The following INTS12 variants were observed in gnomAD, a reference collection of about 807,000 sequenced individuals.
The protein encoded by INTS12 is integrator complex subunit 12.
INTS12 carries 13 observed loss-of-function variants against 41.6 expected under a neutral mutation model. That is an observed-to-expected ratio of 0.31 (90% CI 0.20 to 0.50). The LOEUF (loss-of-function observed/expected upper bound fraction) is 0.50, where lower values mean the gene tolerates loss of function less well. INTS12 is among the 20% of genes least tolerant of loss of function. INTS12 has a pLI of 0.98. For missense variants in INTS12, 432 were observed against 541.6 expected (o/e 0.80, Z 2.01); for synonymous variants, 199 against 191.4 (o/e 1.04, Z -0.33).
chr4:105,685,210 ATTT>A (rs1162520146), intron 7 of INTS12, among the ~76,000 whole-genome samples: 2 of 152,082 alleles, frequency 1.3e-5, no homozygotes, highest in African/African-American at 2.4e-5. Context: ...TAAAAAGTGA[ATTT>A]TTTATTAAAG....
Position 105,683,185 on chromosome 4 carries a change from T to G in INTS12, c.937A>C (p.Thr313Pro). The G allele has an allele frequency of 5.6e-6, 9 of 1,614,146 alleles. No homozygotes were observed. Among genetic ancestry groups the G allele is most frequent in the Non-Finnish European group, 7.6e-6 (9 of 1,179,980 alleles). ...AGPSTAKLSS[T>P]TQNNTGKPAT... Reference sequence around the variant, plus strand: ...GGTTTCCCAGTATTGTTTTGTGTTGTTGAACTCAATTTTGCTGTTGAAGGA... The same window carrying G: ...GGTTTCCCAGTATTGTTTTGTGTTGGTGAACTCAATTTTGCTGTTGAAGGA... The change falls in exon 8 of 8, where the codon ACA (threonine) becomes CCA (proline). Residue 313 changes from threonine (T) to proline (P), a missense_variant. By Grantham distance (38) the Thr-to-Pro change is conservative. Transcript: ENST00000340139.
At chr4:105,686,636 TTTTA>T in intron 7 of INTS12, 52 bp downstream of exon 7, 1 of 1,381,654 alleles carries the variant, frequency 7.2e-7, no homozygotes, top group Non-Finnish European at 9.9e-7. Context: ...AGCAACTATT[TTTTA>T]GTCAACTAAA....
At chr4:105,695,411 C>CT in intron 4 of INTS12, 105 bp downstream of exon 4, 1 of 787,928 alleles carries the variant, frequency 1.3e-6, no homozygotes, top group Non-Finnish European at 2.0e-6. Context: ...TATTATATAC[C>CT]TATACCCATT....
chr4:105,700,706 A>AACACACACAC (rs767514862), intron 2 of INTS12, among the ~76,000 whole-genome samples: 10,316 of 134,702 alleles, frequency 0.077, 949 homozygotes, highest in African/African-American at 0.22. Context: ...ATCTACTTAA[A>AACACACACAC]ACACACACAC....
chr4:105,706,884 T>G (rs1016070366), intron 1 of INTS12, among the ~76,000 whole-genome samples: 5 of 152,170 alleles, frequency 3.3e-5, no homozygotes, highest in Admixed American at 2.0e-4. Flanking sequence ...GGCAATAACC[T>G]CGTTATTTTC....
At chr4:105,704,456 G>A (rs767899127) in intron 1 of INTS12, among the ~76,000 whole-genome samples, 5 of 152,162 alleles carry the variant, frequency 3.3e-5, no homozygotes, top group Non-Finnish European at 5.9e-5. Flanking sequence ...TAGGCCTACT[G>A]AAGAAAAAAC....
intron 2 of INTS12, among the ~76,000 whole-genome samples, chr4:105,703,205 G>A (rs1732144918): frequency 6.6e-6 from 1 of 152,172 alleles, no homozygotes; most frequent in African/African-American, 2.4e-5. Flanking sequence ...AAAGAAAAAT[G>A]TATATATGAA....
intron 1 of INTS12, among the ~76,000 whole-genome samples, chr4:105,706,711 G>A (rs1732277863): frequency 6.6e-6 from 1 of 152,086 alleles, no homozygotes; most frequent in South Asian, 2.1e-4. Flanking sequence ...TTTTAGTCAG[G>A]TTTGAGACCA....
chr4:105,704,257 T>G (rs1392466605), intron 1 of INTS12, among the ~76,000 whole-genome samples: 2 of 152,236 alleles, frequency 1.3e-5, no homozygotes, highest in Admixed American at 1.3e-4. Context: ...TACATACGAT[T>G]GTCCCTCCTA....
At chr4:105,686,589 A>C (rs536437592) in intron 7 of INTS12, 103 bp downstream of exon 7, 134 of 778,262 alleles carry the variant, frequency 1.7e-4, no homozygotes, top group Non-Finnish European at 2.4e-4. Context: ...AAATATAGCC[A>C]TTTAGTATAT....
intron 6 of INTS12, among the ~76,000 whole-genome samples, chr4:105,688,698 C>T (rs1263126800): frequency 6.6e-6 from 1 of 152,218 alleles, no homozygotes; most frequent in Admixed American, 6.5e-5. Flanking sequence ...CTTCCACCCA[C>T]ATCTAGCACT....
At chr4:105,684,046 T>C (rs1731419309) in intron 7 of INTS12, among the ~76,000 whole-genome samples, 1 of 152,152 alleles carries the variant, frequency 6.6e-6, no homozygotes, top group African/African-American at 2.4e-5. Flanking sequence ...AATAAGGATT[T>C]TATCAATTGC....
At chr4:105,706,254 CT>C (rs757516945) in intron 1 of INTS12, 1,797 of 125,396 alleles carry the variant, frequency 0.014, 24 homozygotes, top group African/African-American at 0.046. Flanking sequence ...ACTTCAATCT[CT>C]TTTTTTTTTT....
chr4:105,707,813 G>C (rs751365678), intron 1 of INTS12: 4 of 275,518 alleles, frequency 1.5e-5, no homozygotes, highest in Non-Finnish European at 2.2e-5. Flanking sequence ...TAGGTTTTTT[G>C]CGTAAATGTC....
At chr4:105,700,461 G>T (rs768922381) in intron 2 of INTS12, among the ~76,000 whole-genome samples, 1 of 151,698 alleles carries the variant, frequency 6.6e-6, no homozygotes, top group Non-Finnish European at 1.5e-5. Context: ...AAGGGCTATC[G>T]TAAGAGGGCA....
intron 1 of INTS12, among the ~76,000 whole-genome samples, chr4:105,704,017 T>C (rs1381359580): frequency 2.0e-5 from 3 of 152,040 alleles, no homozygotes; most frequent in African/African-American, 4.8e-5. Flanking sequence ...ATATCTTCTT[T>C]TTTTTTTTTT....
intron 7 of INTS12, among the ~76,000 whole-genome samples, chr4:105,683,570 A>C (rs1731400529): frequency 6.6e-6 from 1 of 152,150 alleles, no homozygotes; most frequent in Non-Finnish European, 1.5e-5. Context: ...CTTTTTGGGA[A>C]TTGCTTTTAG....
chr4:105,692,884 T>G (rs1381061567), intron 5 of INTS12, among the ~76,000 whole-genome samples: 1 of 152,234 alleles, frequency 6.6e-6, no homozygotes, highest in Non-Finnish European at 1.5e-5. Context: ...AGCACATTAC[T>G]GTGCACACAT....
At position 105,699,879 on chromosome 4, in the gene INTS12, T is replaced by A. The variant is rs1437748307; in HGVS notation, c.127A>T (p.Ile43Phe). ...ALLDESLARG[I>F]DSSYRPSQKD... is the part of the protein sequence containing the mutation. ...TGAGATGGACGGTAACTGGAATCAA[T>A]GCCCCGAGCCAAAGATTCATCAAGC... Residue 43 changes from isoleucine to phenylalanine, a missense_variant, in exon 3 of 8, where the codon ATT becomes TTT. Physicochemically the swap from Ile to Phe is conservative, Grantham distance 21 (BLOSUM62 0). This residue lies in a region of INTS12 where 168 missense variants were observed against 198.9 expected (regional missense o/e 0.84). Transcript: ENST00000340139. The A allele has an allele frequency of 6.5e-7, 1 of 1,540,896 alleles. No homozygotes were observed. The highest frequency in any genetic ancestry group is 8.8e-7 in the Non-Finnish European group (1 of 1,131,640).
Sources: gnomAD v4.1 joint callset for allele counts (sites outside exome capture counted in the v4.1 genomes callset) on GRCh38, gnomAD v4.1.1 for gene constraint, gnomAD v4.1.1 regional missense constraint, MANE v1.5 for transcripts, NCBI Gene and HGNC (gene_info 2026-07-23, HGNC 2026-07-21) for gene names.